ZNF385D: variants seen among roughly 807,000 people sequenced by gnomAD.
ZNF385D encodes zinc finger protein 659.
Under a neutral mutation model 35.8 loss-of-function variants are expected in ZNF385D, and 15 were observed. The observed-to-expected ratio is 0.42, with a 90% confidence interval of 0.28 to 0.64. The LOEUF is 0.64. ZNF385D is among the 30% of genes least tolerant of loss of function. The pLI, the probability that ZNF385D is intolerant of heterozygous loss-of-function variation, is 0.23. For missense variants in ZNF385D, 474 were observed against 494.6 expected (o/e 0.96, Z 0.39); for synonymous variants, 212 against 186.8 (o/e 1.13, Z -1.10).
intron 2 of ZNF385D, among the ~76,000 whole-genome samples, chr3:22,309,487 G>A (rs764978635): frequency 6.6e-5 from 10 of 152,010 alleles, no homozygotes; most frequent in Non-Finnish European, 1.5e-4. Context: ...CGACTATATA[G>A]AGAGTATTAA....
At chr3:21,525,640 C>T (rs1005007800) in intron 3 of ZNF385D, among the ~76,000 whole-genome samples, 2 of 144,948 alleles carry the variant, frequency 1.4e-5, no homozygotes, top group African/African-American at 2.6e-5. Flanking sequence ...GCAGAGATCG[C>T]GCCACTGCAC....
intron 2 of ZNF385D, among the ~76,000 whole-genome samples, chr3:22,218,106 TTC>T (rs1269021052): frequency 6.6e-6 from 1 of 152,144 alleles, no homozygotes; most frequent in Non-Finnish European, 1.5e-5. Context: ...ATATAAATCA[TTC>T]AACAAGACTG....
At chr3:21,688,239 G>C (rs1021608460) in intron 1 of ZNF385D, among the ~76,000 whole-genome samples, 2 of 151,990 alleles carry the variant, frequency 1.3e-5, no homozygotes, top group African/African-American at 2.4e-5. Context: ...TGGAATAATT[G>C]TATATCTTAA....
chr3:21,614,958 G>A (rs1006912072), intron 2 of ZNF385D, among the ~76,000 whole-genome samples: 2 of 152,168 alleles, frequency 1.3e-5, no homozygotes, highest in African/African-American at 4.8e-5. Context: ...TGTACTCACA[G>A]GAAAGCTAGG....
At chr3:22,022,837 G>A (rs1288770408) in intron 3 of ZNF385D, among the ~76,000 whole-genome samples, 2 of 152,116 alleles carry the variant, frequency 1.3e-5, no homozygotes, top group Non-Finnish European at 2.9e-5. Context: ...TTACCAGGAA[G>A]GCAAAACGAA....
chr3:21,659,121 C>T (rs181530747), intron 2 of ZNF385D, among the ~76,000 whole-genome samples: 55 of 152,104 alleles, frequency 3.6e-4, no homozygotes, highest in Admixed American at 3.5e-3. Context: ...TCACTGTCAT[C>T]GTATTTCTAG....
chr3:22,135,671 C>G (rs1704057675), intron 3 of ZNF385D, among the ~76,000 whole-genome samples: 1 of 152,064 alleles, frequency 6.6e-6, no homozygotes, highest in African/African-American at 2.4e-5. Context: ...GCTACAACAG[C>G]TAAAATTATT....
intron 3 of ZNF385D, among the ~76,000 whole-genome samples, chr3:21,809,713 CAT>C (rs1180708267): frequency 1.3e-5 from 2 of 150,390 alleles, no homozygotes; most frequent in Non-Finnish European, 3.0e-5. Context: ...CACATATATA[CAT>C]ATATATACAC....
chr3:22,057,456 G>A (rs116105471), intron 3 of ZNF385D, among the ~76,000 whole-genome samples: 60 of 151,840 alleles, frequency 4.0e-4, no homozygotes, highest in African/African-American at 1.4e-3. Flanking sequence ...CAATTAAATT[G>A]GATAAAAGCA....
chr3:21,725,285 G>C (rs550001968), intron 1 of ZNF385D, among the ~76,000 whole-genome samples: 3 of 151,930 alleles, frequency 2.0e-5, no homozygotes, highest in Non-Finnish European at 4.4e-5. Context: ...AGAGAAACAA[G>C]AACAAATAAA....
chr3:21,998,430 T>G (rs940774472), intron 3 of ZNF385D, among the ~76,000 whole-genome samples: 8 of 152,206 alleles, frequency 5.3e-5, no homozygotes, highest in African/African-American at 1.9e-4. Flanking sequence ...ATTCCATCTT[T>G]ACTTTTAGTG....
chr3:22,215,521 C>A (rs1697817552), intron 2 of ZNF385D, among the ~76,000 whole-genome samples: 1 of 151,922 alleles, frequency 6.6e-6, no homozygotes, highest in Non-Finnish European at 1.5e-5. Flanking sequence ...TGCTCCCAGG[C>A]TTATTAGGAC....
chr3:22,086,538 C>T (rs775783544), intron 3 of ZNF385D, among the ~76,000 whole-genome samples: 5 of 152,030 alleles, frequency 3.3e-5, no homozygotes, highest in Admixed American at 6.6e-5. Flanking sequence ...CACTGCTCAA[C>T]GAAATAAAAG....
intron 2 of ZNF385D, among the ~76,000 whole-genome samples, chr3:22,298,972 G>A (rs1702754016): frequency 6.6e-6 from 1 of 151,890 alleles, no homozygotes; most frequent in African/African-American, 2.4e-5. Context: ...AAATGATTTG[G>A]CAGAGAGGAT....
chr3:22,168,088 A>G (rs1283718578), intron 3 of ZNF385D, among the ~76,000 whole-genome samples: 1 of 152,232 alleles, frequency 6.6e-6, no homozygotes, highest in Non-Finnish European at 1.5e-5. Context: ...AGTATAATTT[A>G]GATGAATTAT....
intron 4 of ZNF385D, among the ~76,000 whole-genome samples, chr3:21,438,356 T>G (rs1701678794): frequency 6.6e-6 from 1 of 152,140 alleles, no homozygotes; most frequent in Non-Finnish European, 1.5e-5. Flanking sequence ...AATGCTACAC[T>G]GAAAAGTCCA....
chr3:21,774,177 C>A (rs1372702388), intron 3 of ZNF385D, among the ~76,000 whole-genome samples: 1 of 151,720 alleles, frequency 6.6e-6, no homozygotes, highest in Non-Finnish European at 1.5e-5. Flanking sequence ...GAACAGAAAT[C>A]AAATAGTGCA....
intron 3 of ZNF385D, among the ~76,000 whole-genome samples, chr3:21,534,804 TA>T (rs1475326719): frequency 1.3e-5 from 2 of 152,222 alleles, no homozygotes; most frequent in African/African-American, 4.8e-5. Context: ...TGTCCTCTGG[TA>T]TTGTGGAGTA....
chr3:21,904,207 G>C (rs1278101035), intron 3 of ZNF385D, among the ~76,000 whole-genome samples: 1 of 151,250 alleles, frequency 6.6e-6, no homozygotes, highest in Non-Finnish European at 1.5e-5. Context: ...TGGAGGCTGA[G>C]GCAGGAGAAT....
Sources: gnomAD v4.1 joint callset for allele counts (sites outside exome capture counted in the v4.1 genomes callset) on GRCh38, gnomAD v4.1.1 for gene constraint, MANE v1.5 for transcripts, NCBI Gene and HGNC (gene_info 2026-07-23, HGNC 2026-07-21) for gene names.